Variants in ZEB1 observed in about 807,000 individuals in gnomAD.
ZEB1 encodes the protein zinc finger E-box binding homeobox 1, also known as zinc finger E-box-binding homeobox 1.
In ZEB1, 21 loss-of-function variants were observed where a neutral mutation model predicts 84.9. That is an observed-to-expected ratio of 0.25 (90% CI 0.18 to 0.36). ZEB1 has a LOEUF of 0.36. Among genes scored for constraint, ZEB1 ranks in the 10% least tolerant of loss-of-function variants. The pLI is 1.00. For missense variants in ZEB1, 1,104 were observed against 1,330.2 expected, an observed-to-expected ratio of 0.83 and a Z score of 2.65; for synonymous variants, 420 against 471.1, an observed-to-expected ratio of 0.89 and a Z score of 1.41.
intron 1 of ZEB1, among the ~76,000 whole-genome samples, chr10:31,434,739 A>G (rs774858838): frequency 1.2e-4 from 19 of 152,200 alleles, no homozygotes; most frequent in Non-Finnish European, 2.6e-4. Flanking sequence ...GGATATAGTC[A>G]CTATTGTAGC....
intron 1 of ZEB1, among the ~76,000 whole-genome samples, chr10:31,409,056 A>G (rs1454420096): frequency 6.6e-6 from 1 of 152,220 alleles, no homozygotes; most frequent in Non-Finnish European, 1.5e-5. Flanking sequence ...CAAGAAAAAA[A>G]CATACAACCC....
At chr10:31,409,841 A>ATTTT (rs571885767) in intron 1 of ZEB1, among the ~76,000 whole-genome samples, 238 of 152,190 alleles carry the variant, frequency 1.6e-3, no homozygotes, top group Middle Eastern at 0.014. Flanking sequence ...AATGCTTGTG[A>ATTTT]TTTTTGCACA....
At position 31,437,931 on chromosome 10, in the gene ZEB1, A is replaced by G. The variant is rs1024651940; in HGVS notation, c.59-23106A>G. Among the ~76,000 whole-genome samples the G allele has an allele frequency of 3.3e-5, 5 of 152,346 alleles. 1 individual carries two copies. Among genetic ancestry groups the G allele is most frequent in the Admixed American group, 6.5e-5 (1 of 15,302 alleles). On this transcript the variant is annotated intron_variant, in intron 1 of 8. Coordinates refer to ENST00000424869, the MANE Select transcript of ZEB1 (RefSeq NM_001174096.2). ...TACTAATCGATAAGCCTCAAAGCCAATCAAAGGAGAATTACCTTCTGGGAT... is the reference window on the plus strand; with the variant it reads ...TACTAATCGATAAGCCTCAAAGCCAGTCAAAGGAGAATTACCTTCTGGGAT...
chr10:31,372,237 A>G (rs546098663), intron 1 of ZEB1, among the ~76,000 whole-genome samples: 3 of 152,098 alleles, frequency 2.0e-5, no homozygotes, highest in Non-Finnish European at 2.9e-5. Context: ...TATTTTTGCT[A>G]AAGACTTAAA....
chr10:31,337,276 C>T (rs530593264), intron 1 of ZEB1, among the ~76,000 whole-genome samples: 15 of 151,922 alleles, frequency 9.9e-5, no homozygotes, highest in African/African-American at 3.1e-4. Context: ...ACACATAATA[C>T]AAGTCTATGA....
intron 1 of ZEB1, among the ~76,000 whole-genome samples, chr10:31,458,333 G>GT (rs1476620045): frequency 7.3e-5 from 8 of 109,518 alleles, no homozygotes; most frequent in African/African-American, 4.3e-4. Flanking sequence ...GTGTGTGTGT[G>GT]TGTTGTGTGT....
At chr10:31,391,448 A>G (rs2049707778) in intron 1 of ZEB1, among the ~76,000 whole-genome samples, 2 of 152,092 alleles carry the variant, frequency 1.3e-5, no homozygotes, top group African/African-American at 4.8e-5. Flanking sequence ...GGGATGAGGG[A>G]GACAATTTAC....
chr10:31,491,120 C>T (rs1394961892), intron 2 of ZEB1, among the ~76,000 whole-genome samples: 2 of 151,756 alleles, frequency 1.3e-5, no homozygotes, highest in African/African-American at 2.4e-5. Context: ...TTTCCTGAGC[C>T]TCTCTCTTTC....
chr10:31,445,597 C>T (rs911884811), intron 1 of ZEB1, among the ~76,000 whole-genome samples: 1 of 152,084 alleles, frequency 6.6e-6, no homozygotes, highest in African/African-American at 2.4e-5. Flanking sequence ...CCCATTAATA[C>T]CTAATTTATT....
At chr10:31,363,584 G>C in intron 1 of ZEB1, 1 of 1,522,508 alleles carries the variant, frequency 6.6e-7, no homozygotes, top group Non-Finnish European at 8.8e-7. Context: ...GCTTCTTTGG[G>C]CTCTTCTGCG....
At position 31,404,257 on chromosome 10, in the gene ZEB1, A is replaced by G. The variant is rs573199718; in HGVS notation, c.59-56780A>G. On this transcript the variant is annotated intron_variant, in intron 1 of 8. Transcript: ENST00000424869. ...ACTCTTAAAGTCTGTGCTCTATTAC[A>G]GTGATTCTTTTTCTTGTTTCTAAAA... Among the ~76,000 whole-genome samples the G allele has an allele frequency of 6.6e-5, 10 of 151,910 alleles. 1 individual carries two copies. In the South Asian group the frequency reaches 2.1e-3, roughly 32 times the overall value.
intron 1 of ZEB1, among the ~76,000 whole-genome samples, chr10:31,427,562 A>G (rs774484986): frequency 7.2e-5 from 11 of 152,092 alleles, no homozygotes; most frequent in Non-Finnish European, 1.3e-4. Context: ...TTAAAAGGCA[A>G]TGAATCTTGG....
rs747486342 is a variant in ZEB1, at chr10:31,526,910, G to T, written c.3024G>T (p.Ser1008=). ...AAGAGGCAGGGCCTGAAATCCTCTC[G>T]AATGAGCACGTGGGTGCCAGGGCGT... ...EQEEAGPEIL[S]NEHVGARASP... The change falls in exon 9 of 9, where the codon TCG becomes TCT. Residue 1008 remains serine (S), a synonymous_variant. Transcript: ENST00000424869. 14 of 1,614,122 alleles carry T rather than the reference G, an allele frequency of 8.7e-6. 2 individuals carry two copies. The highest frequency in any genetic ancestry group is 1.6e-4 in the Middle Eastern group (1 of 6,062).
At chr10:31,414,141 C>G (rs567408913) in intron 1 of ZEB1, among the ~76,000 whole-genome samples, 1 of 152,294 alleles carries the variant, frequency 6.6e-6, no homozygotes, top group South Asian at 2.1e-4. Flanking sequence ...TCATATATAA[C>G]ATGGAGTTAA....
At chr10:31,469,299 A>G (rs1413875338) in intron 2 of ZEB1, among the ~76,000 whole-genome samples, 1 of 152,134 alleles carries the variant, frequency 6.6e-6, no homozygotes, top group East Asian at 1.9e-4. Flanking sequence ...CATCTGAGGT[A>G]CCGGGTTCAT....
Position 31,495,765 on chromosome 10 carries a change from T to C in ZEB1, c.260-11T>C. ...ACTATAGATCTATTTTAATTTCTTC[T>C]TTGATTTCAGCAGGAAAGGAAGGGC... On this transcript the variant is annotated splice_polypyrimidine_tract_variant and intron_variant, in intron 2 of 8. Coordinates refer to ENST00000424869, the MANE Select transcript of ZEB1 (RefSeq NM_001174096.2). 1.9e-6 allele frequency: 3 copies of C among 1,612,676 alleles called. No homozygotes were observed. The highest frequency in any genetic ancestry group is 2.5e-6 in the Non-Finnish European group (3 of 1,178,912).
intron 1 of ZEB1, among the ~76,000 whole-genome samples, chr10:31,451,019 A>G (rs1467655075): frequency 6.6e-6 from 1 of 152,168 alleles, no homozygotes; most frequent in Non-Finnish European, 1.5e-5. Context: ...AAAAAGTTAC[A>G]AAATTATCAG....
At chr10:31,472,300 T>A (rs1219181164) in intron 2 of ZEB1, among the ~76,000 whole-genome samples, 2 of 140,314 alleles carry the variant, frequency 1.4e-5, no homozygotes, top group African/African-American at 3.0e-5. Context: ...GTCAAGAAAA[T>A]AGATAGACCA....
intron 4 of ZEB1, among the ~76,000 whole-genome samples, chr10:31,506,544 T>A (rs2069010591): frequency 6.6e-6 from 1 of 152,106 alleles, no homozygotes; most frequent in Non-Finnish European, 1.5e-5. Flanking sequence ...TATACTGTTT[T>A]GTTTACTGGA....
Sources: gnomAD v4.1 joint callset for allele counts (sites outside exome capture counted in the v4.1 genomes callset) on GRCh38, gnomAD v4.1.1 for gene constraint, MANE v1.5 for transcripts, NCBI Gene and HGNC (gene_info 2026-07-23, HGNC 2026-07-21) for gene names.